SNAP25: variants seen among roughly 807,000 people sequenced by gnomAD.
The protein encoded by SNAP25 is synaptosome associated protein 25, also known as synaptosomal-associated protein 25.
In SNAP25, 3 loss-of-function variants were observed where a neutral mutation model predicts 28.7. The observed-to-expected ratio is 0.10, with a 90% confidence interval of 0.05 to 0.27. The LOEUF (loss-of-function observed/expected upper bound fraction) is 0.27, where lower values mean the gene tolerates loss of function less well. Among genes scored for constraint, SNAP25 ranks in the 10% least tolerant of loss-of-function variants. The pLI is 1.00. For synonymous variants in SNAP25, 61 were observed against 88.1 expected (o/e 0.69, Z 1.72); for missense variants, 117 against 278.7 (o/e 0.42, Z 4.13).
intron 1 of SNAP25, among the ~76,000 whole-genome samples, chr20:10,233,247 G>A (rs2062856892): frequency 6.6e-6 from 1 of 152,140 alleles, no homozygotes; most frequent in Non-Finnish European, 1.5e-5. Flanking sequence ...TCAAAGATTA[G>A]AGCCAAACCA....
chr20:10,277,367 T>G (rs113312281), intron 2 of SNAP25, among the ~76,000 whole-genome samples: 81 of 152,370 alleles, frequency 5.3e-4, no homozygotes, highest in African/African-American at 1.9e-3. Context: ...GTAATTGAGA[T>G]AATTTTTCAT....
intron 1 of SNAP25, among the ~76,000 whole-genome samples, chr20:10,264,063 A>G (rs2063465693): frequency 6.6e-6 from 1 of 152,144 alleles, no homozygotes. Flanking sequence ...TTTTCGAAAA[A>G]GAGAGATTTA....
rs2064182151 is a variant in SNAP25 at position 10,299,337 on chromosome 20, C to T, written c.477C>T (p.Asn159=). 6.2e-7 allele frequency: 1 copy of T among 1,613,904 alleles called. No individual in the cohort carries two copies. Among genetic ancestry groups the T allele is most frequent in the African/African-American group, 1.3e-5 (1 of 74,860 alleles). The change falls in exon 7 of 8, where the codon AAC becomes AAT. Residue 159 remains asparagine, a synonymous_variant. Transcript: ENST00000254976. ...AGCAGGTGAGCGGCATCATCGGGAACCTCCGTCACATGGCCCTGGATATGG... is the reference window on the plus strand; with the variant it reads ...AGCAGGTGAGCGGCATCATCGGGAATCTCCGTCACATGGCCCTGGATATGG... ...NLEQVSGIIG[N]LRHMALDMGN...
chr20:10,225,400 T>C (rs1305711782), intron 1 of SNAP25, among the ~76,000 whole-genome samples: 2 of 152,144 alleles, frequency 1.3e-5, no homozygotes, highest in Admixed American at 6.6e-5. Flanking sequence ...AACAAATCTG[T>C]ATCCCTAAAA....
At chr20:10,266,159 A>C (rs538872291) in intron 1 of SNAP25, among the ~76,000 whole-genome samples, 4 of 152,304 alleles carry the variant, frequency 2.6e-5, no homozygotes, top group African/African-American at 9.6e-5. Context: ...AACCTGGGGC[A>C]AATTCTGATG....
At chr20:10,287,122 C>A (rs2063895365) in intron 4 of SNAP25, among the ~76,000 whole-genome samples, 1 of 152,070 alleles carries the variant, frequency 6.6e-6, no homozygotes, top group African/African-American at 2.4e-5. Context: ...GTCCAAAACA[C>A]CAAAAGCAAG....
intron 4 of SNAP25, among the ~76,000 whole-genome samples, chr20:10,286,733 G>GGAGAAAAAAGTTT: frequency 6.6e-6 from 1 of 152,002 alleles, no homozygotes. Flanking sequence ...TCCAAAAAAT[G>GGAGAAAAAAGTTT]GAGAAAAAAG....
intron 7 of SNAP25, among the ~76,000 whole-genome samples, chr20:10,300,390 G>T (rs2064206679): frequency 6.6e-6 from 1 of 152,064 alleles, no homozygotes; most frequent in Admixed American, 6.6e-5. Flanking sequence ...TGCTAAAAAG[G>T]AGAAAAAGAG....
At chr20:10,263,179 C>T (rs756935870) in intron 1 of SNAP25, among the ~76,000 whole-genome samples, 4 of 151,930 alleles carry the variant, frequency 2.6e-5, no homozygotes, top group African/African-American at 4.8e-5. Flanking sequence ...CCACCATGCC[C>T]GGCTAATTTT....
At chr20:10,261,935 A>G (rs1216563317) in intron 1 of SNAP25, among the ~76,000 whole-genome samples, 1 of 152,210 alleles carries the variant, frequency 6.6e-6, no homozygotes, top group Non-Finnish European at 1.5e-5. Context: ...TTTTCTCCAG[A>G]AGGCAGTAAA....
intron 1 of SNAP25, among the ~76,000 whole-genome samples, chr20:10,254,714 C>A (rs564567110): frequency 6.6e-6 from 1 of 152,114 alleles, no homozygotes; most frequent in Non-Finnish European, 1.5e-5. Context: ...ACAGGCCTTG[C>A]GGTAAATGGA....
intron 1 of SNAP25, among the ~76,000 whole-genome samples, chr20:10,251,261 A>G (rs1012761949): frequency 6.6e-6 from 1 of 152,178 alleles, no homozygotes; most frequent in Non-Finnish European, 1.5e-5. Flanking sequence ...TGCTTCAAGG[A>G]GAATTTGAGG....
At chr20:10,251,866 A>T (rs553678548) in intron 1 of SNAP25, among the ~76,000 whole-genome samples, 60 of 152,240 alleles carry the variant, frequency 3.9e-4, no homozygotes, top group Admixed American at 3.1e-3. Context: ...CAGCTACAGA[A>T]AAGGAAATCT....
intron 2 of SNAP25, among the ~76,000 whole-genome samples, chr20:10,277,297 A>AT (rs2063707987): frequency 6.6e-6 from 1 of 152,170 alleles, no homozygotes; most frequent in African/African-American, 2.4e-5. Context: ...TTCATGAAAA[A>AT]TTATGTTTGT....
At chr20:10,297,180 T>C in intron 6 of SNAP25, 130 bp downstream of exon 6, 2 of 1,211,856 alleles carry the variant, frequency 1.7e-6, no homozygotes, top group South Asian at 4.0e-5. Flanking sequence ...AGTGTTCTTT[T>C]CTAAGCCTTT....
At chr20:10,221,096 T>C (rs1278230604) in intron 1 of SNAP25, among the ~76,000 whole-genome samples, 1 of 152,146 alleles carries the variant, frequency 6.6e-6, no homozygotes, top group Non-Finnish European at 1.5e-5. Flanking sequence ...GGAGAGAAAA[T>C]ATGGGCAGGA....
At chr20:10,300,925 G>A (rs2064220855) in intron 7 of SNAP25, among the ~76,000 whole-genome samples, 1 of 151,992 alleles carries the variant, frequency 6.6e-6, no homozygotes, top group South Asian at 2.1e-4. Context: ...ACCCATTACG[G>A]CCCAGAATAA....
chr20:10,296,604 A>G, intron 5 of SNAP25: 1 of 299,924 alleles, frequency 3.3e-6, no homozygotes, highest in Non-Finnish European at 6.3e-6. Context: ...TCACATCACT[A>G]AAATAGAATT....
intron 1 of SNAP25, among the ~76,000 whole-genome samples, chr20:10,263,262 G>T (rs555391389): frequency 4.6e-5 from 7 of 151,728 alleles, no homozygotes; most frequent in South Asian, 2.1e-4. Context: ...CTCATGATCC[G>T]CCCGCCTCGG....
Sources: gnomAD v4.1 joint callset for allele counts (sites outside exome capture counted in the v4.1 genomes callset) on GRCh38, gnomAD v4.1.1 for gene constraint, MANE v1.5 for transcripts, NCBI Gene and HGNC (gene_info 2026-07-23, HGNC 2026-07-21) for gene names.